The following PSD3 variants were observed in gnomAD, a reference collection of about 807,000 sequenced individuals.
PSD3 encodes the protein pleckstrin and Sec7 domain containing 3.
In PSD3, 49 loss-of-function variants were observed where a neutral mutation model predicts 105.5. The observed-to-expected ratio is 0.46, with a 90% CI of 0.37 to 0.59. PSD3 has a LOEUF of 0.59. Among genes scored for constraint, PSD3 ranks in the 20% least tolerant of loss-of-function variants. PSD3 has a pLI of 0.00. For missense variants in PSD3, 1,561 were observed against 1,263.8 expected (o/e 1.24, Z -3.57); for synonymous variants, 557 against 457.8 (o/e 1.22, Z -2.77).
chr8:18,702,025 T>C (rs1248046239), intron 9 of PSD3, among the ~76,000 whole-genome samples: 1 of 152,006 alleles, frequency 6.6e-6, no homozygotes, highest in Admixed American at 6.6e-5. Context: ...CCTTTAAGAG[T>C]GCATTCGTTT....
At chr8:18,885,899 T>G (rs1407474720) in intron 2 of PSD3, among the ~76,000 whole-genome samples, 1 of 152,198 alleles carries the variant, frequency 6.6e-6, no homozygotes, top group East Asian at 1.9e-4. Flanking sequence ...CCAGTAAAGA[T>G]TCTATCTCAG....
chr8:18,589,859 C>G (rs1407915539), intron 12 of PSD3, among the ~76,000 whole-genome samples: 1 of 152,206 alleles, frequency 6.6e-6, no homozygotes. Context: ...TTTAAGAAAT[C>G]TGTCCACAAG....
At chr8:18,928,001 T>C (rs1247985747) in intron 2 of PSD3, among the ~76,000 whole-genome samples, 1 of 152,190 alleles carries the variant, frequency 6.6e-6, no homozygotes, top group African/African-American at 2.4e-5. Flanking sequence ...TCTAGCTGTA[T>C]ACCCAAAAGA....
chr8:18,586,584 G>A (rs1803204143), intron 12 of PSD3, among the ~76,000 whole-genome samples: 1 of 152,068 alleles, frequency 6.6e-6, no homozygotes, highest in Non-Finnish European at 1.5e-5. Context: ...TGGTATATAT[G>A]TGTTTACAAT....
chr8:18,804,874 C>T lies in PSD3; in HGVS notation c.1659G>A (p.Arg553=). 1 of 1,612,336 alleles carries T rather than the reference C, an allele frequency of 6.2e-7. No homozygotes were observed. The highest frequency in any genetic ancestry group is 8.5e-7 in the Non-Finnish European group (1 of 1,178,620). ...WGSNAGVKTT[R]LEAHSEMGST... ...TCCCCATTTCAGAATGAGCTTCTAGCCGTGTTGTTTTCACCCCAGCATTGC... is the reference window on the plus strand; with the variant it reads ...TCCCCATTTCAGAATGAGCTTCTAGTCGTGTTGTTTTCACCCCAGCATTGC... The change falls in exon 5 of 16, where the codon CGG becomes CGA. Residue 553 remains arginine (R), a synonymous_variant. Transcript: ENST00000327040.
intron 12 of PSD3, among the ~76,000 whole-genome samples, chr8:18,596,639 G>A (rs1209779934): frequency 2.0e-5 from 3 of 151,906 alleles, no homozygotes; most frequent in Non-Finnish European, 1.5e-5. Flanking sequence ...AATGAAACAG[G>A]AGGTATTGCA....
chr8:18,703,886 C>G (rs1178812963), intron 9 of PSD3, among the ~76,000 whole-genome samples: 1 of 152,000 alleles, frequency 6.6e-6, no homozygotes, highest in Non-Finnish European at 1.5e-5. Flanking sequence ...TCACATTAAC[C>G]AAAGTGCTTT....
At chr8:18,594,450 T>C (rs1259924173) in intron 12 of PSD3, among the ~76,000 whole-genome samples, 1 of 128,038 alleles carries the variant, frequency 7.8e-6, no homozygotes, top group African/African-American at 3.1e-5. Flanking sequence ...ATATTATTTA[T>C]ATATTATATT....
intron 15 of PSD3, among the ~76,000 whole-genome samples, chr8:18,539,492 A>G (rs1173941495): frequency 1.3e-5 from 2 of 152,116 alleles, no homozygotes; most frequent in Non-Finnish European, 2.9e-5. Context: ...GTTTTAAATG[A>G]AAGCTGGTGT....
intron 9 of PSD3, among the ~76,000 whole-genome samples, chr8:18,730,834 T>C (rs1337427103): frequency 1.3e-5 from 2 of 152,108 alleles, no homozygotes; most frequent in Non-Finnish European, 2.9e-5. Context: ...ATGTGTGTAC[T>C]TAAAATATAT....
At chr8:18,968,776 T>C (rs1824444656) in intron 1 of PSD3, among the ~76,000 whole-genome samples, 1 of 149,168 alleles carries the variant, frequency 6.7e-6, no homozygotes, top group Non-Finnish European at 1.5e-5. Flanking sequence ...CTCAGGAGGC[T>C]GAGGCAGAAG....
At chr8:18,742,482 C>T (rs1398636471) in intron 9 of PSD3, among the ~76,000 whole-genome samples, 1 of 152,064 alleles carries the variant, frequency 6.6e-6, no homozygotes, top group African/African-American at 2.4e-5. Flanking sequence ...GATGTTATAT[C>T]CAAAATATAA....
chr8:18,873,712 T>G lies in PSD3; in HGVS notation c.131-979A>C, dbSNP rs528318607. Among the ~76,000 whole-genome samples the G allele has an allele frequency of 1.1e-4, 17 of 152,272 alleles. No individual in the cohort carries two copies. In the South Asian group the frequency reaches 3.5e-3, roughly 32 times the overall value. On this transcript the variant is annotated intron_variant, in intron 2 of 15. Transcript: ENST00000327040. ...TACCTATCTGCAATTTTGTATCCTT[T>G]GACCAGCACCTCCCCAATCCCACCA... is the stretch of plus-strand genomic sequence containing the variant.
intron 2 of PSD3, among the ~76,000 whole-genome samples, chr8:18,887,485 T>G (rs957625951): frequency 6.6e-6 from 1 of 152,224 alleles, no homozygotes; most frequent in Non-Finnish European, 1.5e-5. Context: ...GTATACAATG[T>G]CTTTCAACAC....
chr8:18,548,776 T>A (rs542323959), intron 15 of PSD3, among the ~76,000 whole-genome samples: 42 of 152,156 alleles, frequency 2.8e-4, no homozygotes, highest in African/African-American at 9.4e-4. Flanking sequence ...GAGTGTGAGG[T>A]GCATGGAGCA....
At chr8:19,009,901 A>G (rs186031276) in intron 1 of PSD3, among the ~76,000 whole-genome samples, 1 of 152,276 alleles carries the variant, frequency 6.6e-6, no homozygotes, top group East Asian at 1.9e-4. Context: ...AACAACAACA[A>G]CAGAAAAATC....
intron 9 of PSD3, among the ~76,000 whole-genome samples, chr8:18,734,698 G>A (rs955759867): frequency 2.6e-5 from 4 of 152,172 alleles, no homozygotes; most frequent in African/African-American, 9.7e-5. Context: ...TTTTCTAAAC[G>A]ATGAGGTGAC....
chr8:18,568,190 G>T (rs1024266488), intron 14 of PSD3, among the ~76,000 whole-genome samples: 1 of 152,124 alleles, frequency 6.6e-6, no homozygotes, highest in Non-Finnish European at 1.5e-5. Context: ...CCAGGCTCTA[G>T]TATTCTTTAT....
intron 1 of PSD3, chr8:18,979,610 A>C (rs1223752720): frequency 6.6e-6 from 1 of 152,286 alleles, no homozygotes; most frequent in Non-Finnish European, 1.5e-5. Flanking sequence ...TTTAAAATAA[A>C]AATGAATATA....
Sources: gnomAD v4.1 joint callset for allele counts (sites outside exome capture counted in the v4.1 genomes callset) on GRCh38, gnomAD v4.1.1 for gene constraint, MANE v1.5 for transcripts, NCBI Gene and HGNC (gene_info 2026-07-23, HGNC 2026-07-21) for gene names.